WDFY3: variants seen among roughly 807,000 people sequenced by gnomAD.
WDFY3 encodes WD repeat and FYVE domain containing 3, also known as WD repeat and FYVE domain-containing protein 3.
In WDFY3, 66 loss-of-function variants were observed where a neutral mutation model predicts 409.6. The ratio of observed to expected loss-of-function variants is 0.16; its 90% confidence interval spans 0.13 to 0.20. The LOEUF (loss-of-function observed/expected upper bound fraction) is 0.20, where lower values mean the gene tolerates loss of function less well. Ranked by LOEUF, WDFY3 falls within the 10% of genes least tolerant of loss-of-function variation. WDFY3 has a pLI of 1.00. For missense variants in WDFY3, 3,031 were observed against 4,298.1 expected, an observed-to-expected ratio of 0.71 and a Z score of 8.24; for synonymous variants, 1,521 against 1,537.1, an observed-to-expected ratio of 0.99 and a Z score of 0.25.
At chr4:84,911,314 C>G (rs143413794) in intron 2 of WDFY3, among the ~76,000 whole-genome samples, 1 of 152,118 alleles carries the variant, frequency 6.6e-6, no homozygotes, top group East Asian at 1.9e-4. Flanking sequence ...TAGTGAGACC[C>G]CTGCCTCTAC....
intron 50 of WDFY3, among the ~76,000 whole-genome samples, 154 bp from the exon 51 acceptor site, chr4:84,713,393 G>C (rs1451411204): frequency 2.0e-5 from 3 of 152,138 alleles, no homozygotes; most frequent in African/African-American, 7.2e-5. Context: ...ATAAATTTTG[G>C]ACTTCTCTAA....
At chr4:84,923,491 C>T (rs114157036) in intron 2 of WDFY3, among the ~76,000 whole-genome samples, 2,757 of 152,192 alleles carry the variant, frequency 0.018, 85 homozygotes, top group African/African-American at 0.063. Context: ...TATAGGGTTC[C>T]TATGCCACAT....
intron 30 of WDFY3, among the ~76,000 whole-genome samples, chr4:84,769,717 C>T (rs571479325): frequency 6.6e-5 from 10 of 152,202 alleles, no homozygotes; most frequent in Non-Finnish European, 1.0e-4. Context: ...CCACCGCGCC[C>T]GGCCTGCTTT....
intron 3 of WDFY3, among the ~76,000 whole-genome samples, chr4:84,890,962 ATTAATT>A (rs1300937893): frequency 2.6e-5 from 4 of 152,174 alleles, no homozygotes; most frequent in South Asian, 2.1e-4. Context: ...TTGTGAATTT[ATTAATT>A]TTAAGTGCCA....
chr4:84,824,704 T>C (rs994424511), intron 10 of WDFY3, among the ~76,000 whole-genome samples: 4 of 152,138 alleles, frequency 2.6e-5, no homozygotes, highest in African/African-American at 9.7e-5. Context: ...TCAAAACTCA[T>C]CAAATTCAAC....
At chr4:84,915,097 T>C (rs541417300) in intron 2 of WDFY3, among the ~76,000 whole-genome samples, 3 of 152,146 alleles carry the variant, frequency 2.0e-5, no homozygotes, top group Admixed American at 1.3e-4. Context: ...TGTATGATCA[T>C]ACTTAATATA....
intron 27 of WDFY3, among the ~76,000 whole-genome samples, chr4:84,776,410 G>A (rs1472239744): frequency 6.6e-6 from 1 of 152,040 alleles, no homozygotes; most frequent in Non-Finnish European, 1.5e-5. Flanking sequence ...CATAAAGTGA[G>A]CAATGTACTA....
intron 24 of WDFY3, among the ~76,000 whole-genome samples, chr4:84,784,250 T>C (rs1747077799): frequency 6.6e-6 from 1 of 152,198 alleles, no homozygotes; most frequent in African/African-American, 2.4e-5. Flanking sequence ...ACATCTATGC[T>C]TTGGTGAATA....
chr4:84,685,947 G>C (rs541357879), intron 62 of WDFY3, among the ~76,000 whole-genome samples: 1 of 152,324 alleles, frequency 6.6e-6, no homozygotes, highest in African/African-American at 2.4e-5. Context: ...TGCTGCATAA[G>C]AGCAGTTCTA....
intron 17 of WDFY3, among the ~76,000 whole-genome samples, chr4:84,799,687 TA>T (rs1052606681): frequency 8.9e-4 from 132 of 148,074 alleles, no homozygotes; most frequent in African/African-American, 3.0e-3. Context: ...AACATCATGT[TA>T]AAAAAAAAAG....
At chr4:84,909,455 T>C (rs1186590871) in intron 2 of WDFY3, among the ~76,000 whole-genome samples, 1 of 151,990 alleles carries the variant, frequency 6.6e-6, no homozygotes, top group Non-Finnish European at 1.5e-5. Flanking sequence ...ATTCATATAA[T>C]AACAAAGTAA....
chr4:84,803,297 T>A lies in WDFY3; in HGVS notation c.2600A>T (p.Gln867Leu). The A allele has an allele frequency of 6.2e-7, 1 of 1,604,170 alleles. No homozygotes were observed. The highest frequency in any genetic ancestry group is 2.2e-5 in the East Asian group (1 of 44,822). Residue 867 changes from glutamine (Q) to leucine (L), a missense_variant, in exon 16 of 68, where the codon CAG becomes CTG. By Grantham distance (113) the Gln-to-Leu change is moderately radical (BLOSUM62 -2). Coordinates refer to ENST00000295888, the MANE Select transcript of WDFY3 (RefSeq NM_014991.6). ...TAACATATTCAAGCTTACTTCTGGCTGTGTCACTGACCCAACAGAGGCCAG... is the reference window on the plus strand; with the variant it reads ...TAACATATTCAAGCTTACTTCTGGCAGTGTCACTGACCCAACAGAGGCCAG... The part of the protein sequence containing the change: ...DLLASVGSVT[Q>L]PEHALDLQLA...
chr4:84,718,260 A>G (rs982802646), intron 48 of WDFY3, among the ~76,000 whole-genome samples, 162 bp downstream of exon 48: 1 of 152,086 alleles, frequency 6.6e-6, no homozygotes, highest in African/African-American at 2.4e-5. Flanking sequence ...TTACCTTAAA[A>G]TAACTGAATA....
chr4:84,778,711 A>T lies in WDFY3; in HGVS notation c.4366-56T>A, dbSNP rs183450670. 7.6e-5 allele frequency: 115 copies of T among 1,519,308 alleles called. 2 individuals carry two copies. In the Middle Eastern group the frequency reaches 1.4e-3, roughly 19 times the overall value. 94.1% of individuals were successfully genotyped at this position (1,519,308 alleles called of 1,614,324 possible). A position where few individuals can be genotyped will look rare whatever the true frequency, so the allele number is the denominator to read the frequency against. On this transcript the variant is annotated intron_variant, in intron 26 of 67. Coordinates refer to ENST00000295888, the MANE Select transcript of WDFY3 (RefSeq NM_014991.6). ...ATAAATCATCATATATATTCATTAC[A>T]CACACACAAACACACACATACACAC... is the stretch of plus-strand genomic sequence containing the variant.
intron 14 of WDFY3, chr4:84,809,162 A>G (rs1752048025): frequency 6.6e-6 from 1 of 152,220 alleles, no homozygotes; most frequent in South Asian, 2.1e-4. Context: ...AGCACTGAAA[A>G]TAAGTGATCT....
chr4:84,830,399 T>C (rs1332322608), intron 8 of WDFY3, among the ~76,000 whole-genome samples: 1 of 152,198 alleles, frequency 6.6e-6, no homozygotes, highest in African/African-American at 2.4e-5. Flanking sequence ...TAGATGATCT[T>C]ACCCAACTAT....
At chr4:84,949,678 T>G (rs1482016117) in intron 1 of WDFY3, among the ~76,000 whole-genome samples, 2 of 152,214 alleles carry the variant, frequency 1.3e-5, no homozygotes, top group Non-Finnish European at 2.9e-5. Context: ...AAATCTACTT[T>G]TGTTATTAAT....
At chr4:84,774,082 T>C (rs918335421) in intron 29 of WDFY3, among the ~76,000 whole-genome samples, 6 of 152,212 alleles carry the variant, frequency 3.9e-5, no homozygotes, top group African/African-American at 4.8e-5. Context: ...TTACAAACTA[T>C]ACAGATTAGA....
chr4:84,905,173 T>C (rs1014472601), intron 2 of WDFY3, among the ~76,000 whole-genome samples: 3 of 152,116 alleles, frequency 2.0e-5, no homozygotes, highest in Admixed American at 6.5e-5. Flanking sequence ...TTGTTTCTAC[T>C]AAAAATACAA....
Sources: allele counts gnomAD v4.1 joint callset (sites outside exome capture counted in the v4.1 genomes callset), GRCh38; gene constraint gnomAD v4.1.1; transcripts MANE v1.5; gene names NCBI Gene and HGNC (gene_info 2026-07-23, HGNC 2026-07-21).